PAK5: variants seen among roughly 807,000 people sequenced by gnomAD.
PAK5 encodes the protein p21 (RAC1) activated kinase 5, also known as serine/threonine-protein kinase PAK 5.
In PAK5, 16 loss-of-function variants were observed where a neutral mutation model predicts 65.9. The ratio of observed to expected loss-of-function variants is 0.24; its 90% confidence interval spans 0.16 to 0.37. PAK5 has a LOEUF of 0.37. PAK5 is among the 10% of genes least tolerant of loss of function. PAK5 has a pLI of 1.00. For missense variants in PAK5, 785 were observed against 903.9 expected, an observed-to-expected ratio of 0.87 and a Z score of 1.69; for synonymous variants, 371 against 354.9, an observed-to-expected ratio of 1.05 and a Z score of -0.51.
chr20:9,688,825 G>A (rs1050663477), intron 2 of PAK5, among the ~76,000 whole-genome samples: 2 of 152,084 alleles, frequency 1.3e-5, no homozygotes, highest in African/African-American at 2.4e-5. Flanking sequence ...TGGCAAAAAC[G>A]TGTGCTATAT....
At chr20:9,646,280 A>C (rs2047133703) in intron 2 of PAK5, among the ~76,000 whole-genome samples, 2 of 152,124 alleles carry the variant, frequency 1.3e-5, no homozygotes, top group African/African-American at 4.8e-5. Flanking sequence ...CTCTACCTAC[A>C]TAAATATTCT....
At chr20:9,723,001 G>T (rs1296210361) in intron 1 of PAK5, among the ~76,000 whole-genome samples, 1 of 152,068 alleles carries the variant, frequency 6.6e-6, no homozygotes, top group Non-Finnish European at 1.5e-5. Context: ...CAAAGTGCTG[G>T]GATTACAGGT....
chr20:9,634,692 C>G (rs141830006), intron 3 of PAK5, among the ~76,000 whole-genome samples: 1,716 of 152,154 alleles, frequency 0.011, 11 homozygotes, highest in Non-Finnish European at 0.017. Flanking sequence ...TATAATAAAT[C>G]TAGCTTTGGT....
chr20:9,541,823 A>C (rs73600242), intron 9 of PAK5, among the ~76,000 whole-genome samples: 2 of 152,126 alleles, frequency 1.3e-5, no homozygotes, highest in East Asian at 3.9e-4. Flanking sequence ...TGTTATTCTC[A>C]AGATAGTGAG....
intron 1 of PAK5, among the ~76,000 whole-genome samples, chr20:9,713,642 G>T (rs1569054555): frequency 6.6e-6 from 1 of 150,468 alleles, no homozygotes; most frequent in Non-Finnish European, 1.5e-5. Context: ...AATAGATAAA[G>T]AAAATGTGGT....
chr20:9,764,126 G>C (rs2048730214), intron 1 of PAK5, among the ~76,000 whole-genome samples: 1 of 152,078 alleles, frequency 6.6e-6, no homozygotes, highest in Non-Finnish European at 1.5e-5. Flanking sequence ...TCCAGGATCT[G>C]AACCAGAATC....
intron 3 of PAK5, among the ~76,000 whole-genome samples, chr20:9,612,532 A>AG (rs1401914893): frequency 6.6e-6 from 1 of 152,060 alleles, no homozygotes; most frequent in Non-Finnish European, 1.5e-5. Context: ...GAGAGTGGGG[A>AG]GGGGCCGCAC....
intron 1 of PAK5, among the ~76,000 whole-genome samples, chr20:9,738,841 TG>T: frequency 6.6e-6 from 1 of 152,142 alleles, no homozygotes; most frequent in Non-Finnish European, 1.5e-5. Context: ...TGTGTGTGTG[TG>T]TCAGTTACAA....
intron 1 of PAK5, among the ~76,000 whole-genome samples, chr20:9,797,872 T>C (rs1206488039): frequency 6.6e-5 from 10 of 151,886 alleles, no homozygotes; most frequent in Admixed American, 5.9e-4. Flanking sequence ...GTGCTAGATA[T>C]AAAATAAAGG....
chr20:9,567,454 A>T (rs1347649576), intron 4 of PAK5, among the ~76,000 whole-genome samples: 1 of 152,234 alleles, frequency 6.6e-6, no homozygotes, highest in African/African-American at 2.4e-5. Flanking sequence ...ACAAAAATAG[A>T]TTAAAAATTA....
At chr20:9,751,103 T>G (rs2048571830) in intron 1 of PAK5, among the ~76,000 whole-genome samples, 2 of 152,166 alleles carry the variant, frequency 1.3e-5, no homozygotes, top group Admixed American at 1.3e-4. Flanking sequence ...TGCTAAGAGA[T>G]TATATGAATA....
At chr20:9,589,460 G>A (rs1603234321) in intron 3 of PAK5, among the ~76,000 whole-genome samples, 1 of 152,198 alleles carries the variant, frequency 6.6e-6, no homozygotes, top group Non-Finnish European at 1.5e-5. Context: ...TTTTCTTTCA[G>A]TTCTCTACAT....
intron 4 of PAK5, among the ~76,000 whole-genome samples, chr20:9,571,054 T>TA (rs879465440): frequency 4.0e-4 from 61 of 152,228 alleles, no homozygotes; most frequent in African/African-American, 1.3e-3. Flanking sequence ...CGGCTGCTGG[T>TA]AAGAGGTACA....
At chr20:9,658,340 A>T (rs2047297420) in intron 2 of PAK5, among the ~76,000 whole-genome samples, 1 of 152,134 alleles carries the variant, frequency 6.6e-6, no homozygotes. Flanking sequence ...TTGTCTGGAA[A>T]CTGACTGGTC....
chr20:9,802,910 G>GTATATATATATATATATATATATA (rs57705525), intron 1 of PAK5, among the ~76,000 whole-genome samples: 1,491 of 46,176 alleles, frequency 0.032, 195 homozygotes, highest in South Asian at 0.05. Flanking sequence ...ATATGTATGT[G>GTATATATATATATATATATATATA]TATATATATA....
At chr20:9,553,072 C>T (rs533070260) in intron 7 of PAK5, among the ~76,000 whole-genome samples, 6 of 152,194 alleles carry the variant, frequency 3.9e-5, no homozygotes, top group African/African-American at 9.6e-5. Flanking sequence ...GAAGTTGCAA[C>T]GTGCACCCGT....
At chr20:9,665,083 C>CTTTTTTTTTT (rs1555910631) in intron 2 of PAK5, among the ~76,000 whole-genome samples, 14 of 42,568 alleles carry the variant, frequency 3.3e-4, no homozygotes, top group East Asian at 2.0e-3. Context: ...CTAAATTTTT[C>CTTTTTTTTTT]TGTTTTTTTT....
At chr20:9,578,060 G>C (rs1163628204) in intron 4 of PAK5, among the ~76,000 whole-genome samples, 1 of 152,140 alleles carries the variant, frequency 6.6e-6, no homozygotes, top group Non-Finnish European at 1.5e-5. Flanking sequence ...ACTTCTCATG[G>C]ATTTTCTTGG....
At chr20:9,727,607 G>T (rs185887601) in intron 1 of PAK5, among the ~76,000 whole-genome samples, 1 of 151,978 alleles carries the variant, frequency 6.6e-6, no homozygotes, top group East Asian at 1.9e-4. Context: ...TTATTAATTA[G>T]AATTCTTCAG....
Sources: allele counts gnomAD v4.1 joint callset (sites outside exome capture counted in the v4.1 genomes callset), GRCh38; gene constraint gnomAD v4.1.1; transcripts MANE v1.5; gene names NCBI Gene and HGNC (gene_info 2026-07-23, HGNC 2026-07-21).